The following LGSN variants were observed in gnomAD, a reference collection of about 807,000 sequenced individuals.
LGSN encodes the protein lengsin, lens protein with glutamine synthetase domain, also known as lengsin.
Under a neutral mutation model 19.5 loss-of-function variants are expected in LGSN, and 21 were observed. That is an observed-to-expected ratio of 1.07 (90% CI 0.76 to 1.55). LGSN has a LOEUF of 1.55. LGSN is among the 40% of genes most tolerant of loss of function. The probability of loss-of-function intolerance (pLI) is 0.00; values close to 1 mark genes in which losing one functional copy is unlikely to be tolerated. For missense variants in LGSN, 673 were observed against 608.5 expected, an observed-to-expected ratio of 1.11 and a Z score of -1.12; for synonymous variants, 257 against 215.6, an observed-to-expected ratio of 1.19 and a Z score of -1.68.
chr6:63,572,502 C>A, the LGSN span: 2 of 390,368 alleles, frequency 5.1e-6, no homozygotes, highest in Non-Finnish European at 4.5e-6. Flanking sequence ...GTATTGGCTC[C>A]TTCGGCTGCG....
the LGSN span, among the ~76,000 whole-genome samples, chr6:63,497,409 C>T: frequency 5.3e-5 from 8 of 152,048 alleles, no homozygotes; most frequent in African/African-American, 1.9e-4. Flanking sequence ...ATTAGCCAGG[C>T]TGGGTGGCAG....
the LGSN span, among the ~76,000 whole-genome samples, chr6:63,504,276 C>T: frequency 6.7e-6 from 1 of 149,056 alleles, no homozygotes; most frequent in East Asian, 2.0e-4. Context: ...GAGTCTCGCT[C>T]TGTTGCCCAG....
chr6:63,550,607 T>A, the LGSN span: 2 of 152,258 alleles, frequency 1.3e-5, no homozygotes, highest in Non-Finnish European at 2.9e-5. Context: ...ATAGTGATAT[T>A]TGTTTTTGGT....
At chr6:63,327,181 G>A in the LGSN span, among the ~76,000 whole-genome samples, 31 of 152,292 alleles carry the variant, frequency 2.0e-4, no homozygotes, top group African/African-American at 7.5e-4. Context: ...TCGGTCCAGG[G>A]GTCCTCAGTA....
chr6:63,400,852 G>C, the LGSN span, among the ~76,000 whole-genome samples: 1 of 152,052 alleles, frequency 6.6e-6, no homozygotes, highest in Admixed American at 6.6e-5. Flanking sequence ...AAATTAGCTG[G>C]GCATGGTGGT....
At chr6:63,559,002 C>T in the LGSN span, among the ~76,000 whole-genome samples, 1 of 152,150 alleles carries the variant, frequency 6.6e-6, no homozygotes, top group Admixed American at 6.5e-5. Context: ...CAGGACATAT[C>T]AAAGGCCATA....
chr6:63,336,595 C>T, the LGSN span, among the ~76,000 whole-genome samples: 75 of 137,240 alleles, frequency 5.5e-4, 1 homozygote, highest in African/African-American at 1.8e-3. Flanking sequence ...TTATAAAGTT[C>T]CTATGTATAG....
At chr6:63,522,385 A>T in the LGSN span, among the ~76,000 whole-genome samples, 1 of 152,216 alleles carries the variant, frequency 6.6e-6, no homozygotes, top group Non-Finnish European at 1.5e-5. Context: ...ACAGAAGATA[A>T]ACAATAAATA....
chr6:63,343,058 TG>T, the LGSN span, among the ~76,000 whole-genome samples: 1 of 152,252 alleles, frequency 6.6e-6, no homozygotes. Context: ...TTATAAAATT[TG>T]TTTAATATAA....
the LGSN span, among the ~76,000 whole-genome samples, chr6:63,467,624 T>A: frequency 6.6e-6 from 1 of 152,320 alleles, no homozygotes; most frequent in African/African-American, 2.4e-5. Context: ...CTCTTCCTCT[T>A]CTTATAAGGA....
the LGSN span, among the ~76,000 whole-genome samples, chr6:63,370,148 C>A: frequency 6.6e-6 from 1 of 152,146 alleles, no homozygotes; most frequent in East Asian, 1.9e-4. Context: ...ATTGTAAAGA[C>A]TTTTGAACTA....
At chr6:63,437,927 C>T in the LGSN span, among the ~76,000 whole-genome samples, 1 of 151,972 alleles carries the variant, frequency 6.6e-6, no homozygotes, top group Non-Finnish European at 1.5e-5. Flanking sequence ...GAGACTATCT[C>T]AAAAAATATA....
chr6:63,309,707 G>A (rs1290841026), intron 1 of LGSN, among the ~76,000 whole-genome samples: 1 of 152,084 alleles, frequency 6.6e-6, no homozygotes, highest in Non-Finnish European at 1.5e-5. Flanking sequence ...TTATCACTTG[G>A]TGATGAGAAC....
At chr6:63,546,134 T>C in the LGSN span, among the ~76,000 whole-genome samples, 1 of 152,142 alleles carries the variant, frequency 6.6e-6, no homozygotes, top group African/African-American at 2.4e-5. Flanking sequence ...GATTTTAAAA[T>C]GTGGATAAAG....
At chr6:63,390,719 C>A in the LGSN span, among the ~76,000 whole-genome samples, 2 of 151,298 alleles carry the variant, frequency 1.3e-5, no homozygotes, top group Admixed American at 6.6e-5. Flanking sequence ...AGTAGCCGGG[C>A]GAGGTGGCGG....
At chr6:63,323,206 G>T (rs1562024295), upstream of LGSN, among the ~76,000 whole-genome samples, 1 of 152,106 alleles carries the variant, frequency 6.6e-6, no homozygotes, top group Non-Finnish European at 1.5e-5. Context: ...TTCCAAAACA[G>T]CCCAAGCTAT....
At chr6:63,533,157 GGGTCACTTGA>G in the LGSN span, among the ~76,000 whole-genome samples, 1 of 152,174 alleles carries the variant, frequency 6.6e-6, no homozygotes, top group Non-Finnish European at 1.5e-5. Context: ...TGAGGCAGGT[GGGTCACTTGA>G]GGTCACGAGT....
chr6:63,338,049 C>A, the LGSN span, among the ~76,000 whole-genome samples: 98 of 152,002 alleles, frequency 6.4e-4, no homozygotes, highest in Non-Finnish European at 8.1e-4. Flanking sequence ...CCACCCCTGG[C>A]TAATTTTTGT....
At chr6:63,356,086 G>T in the LGSN span, among the ~76,000 whole-genome samples, 1 of 152,060 alleles carries the variant, frequency 6.6e-6, no homozygotes, top group African/African-American at 2.4e-5. Flanking sequence ...AAGGACACCG[G>T]TTATATTGCA....
Sources: gnomAD v4.1 joint callset for allele counts (sites outside exome capture counted in the v4.1 genomes callset) on GRCh38, gnomAD v4.1.1 for gene constraint, MANE v1.5 for transcripts, NCBI Gene and HGNC (gene_info 2026-07-23, HGNC 2026-07-21) for gene names.